Variants in TCF12 observed in about 807,000 individuals in gnomAD.
TCF12 encodes DNA-binding protein HTF4.
A neutral mutation model predicts 86.0 loss-of-function variants in TCF12; 45 were observed. The ratio of observed to expected loss-of-function variants is 0.52; its 90% CI spans 0.41 to 0.67. The LOEUF (loss-of-function observed/expected upper bound fraction) is 0.67, where lower values mean the gene tolerates loss of function less well. Ranked by LOEUF, TCF12 falls within the 30% of genes least tolerant of loss-of-function variation. The pLI is 0.00. For missense variants in TCF12, 881 were observed against 859.9 expected (o/e 1.02, Z -0.31); for synonymous variants, 330 against 299.6 (o/e 1.10, Z -1.05).
intron 3 of TCF12, among the ~76,000 whole-genome samples, chr15:57,030,518 C>A (rs2066102772): frequency 1.3e-5 from 2 of 152,126 alleles, no homozygotes; most frequent in African/African-American, 2.4e-5. Flanking sequence ...AGGAAAGAGC[C>A]ACTGTACCTG....
intron 3 of TCF12, among the ~76,000 whole-genome samples, chr15:57,033,737 T>C (rs1217841286): frequency 1.3e-5 from 2 of 152,202 alleles, no homozygotes; most frequent in East Asian, 3.8e-4. Context: ...GCTTTCTTGC[T>C]TATTTAATTC....
chr15:57,114,186 T>C (rs2050687871), intron 5 of TCF12, among the ~76,000 whole-genome samples: 1 of 152,216 alleles, frequency 6.6e-6, no homozygotes, highest in Non-Finnish European at 1.5e-5. Context: ...ATATTACATG[T>C]TCTGTTTATT....
chr15:56,921,674 A>C (rs2059799715), intron 3 of TCF12, among the ~76,000 whole-genome samples: 1 of 152,066 alleles, frequency 6.6e-6, no homozygotes, highest in Non-Finnish European at 1.5e-5. Context: ...GAAAAAAATA[A>C]CTAAAGCCAT....
At chr15:57,185,033 G>A (rs1010550081) in intron 6 of TCF12, among the ~76,000 whole-genome samples, 6 of 151,990 alleles carry the variant, frequency 3.9e-5, no homozygotes, top group African/African-American at 1.5e-4. Flanking sequence ...ACCAAATGTT[G>A]TATCTATTGG....
intron 3 of TCF12, among the ~76,000 whole-genome samples, chr15:57,050,007 G>A (rs1431960627): frequency 1.3e-5 from 2 of 152,024 alleles, no homozygotes; most frequent in Non-Finnish European, 2.9e-5. Flanking sequence ...ATTTTTAGGG[G>A]TTCCTCTAGG....
chr15:57,265,052 G>A (rs1460774933), intron 18 of TCF12, among the ~76,000 whole-genome samples: 1 of 149,936 alleles, frequency 6.7e-6, no homozygotes, highest in African/African-American at 2.5e-5. Flanking sequence ...TAAGTTAGAA[G>A]TATACTCTAA....
At chr15:57,204,099 C>G (rs1362192073) in intron 8 of TCF12, among the ~76,000 whole-genome samples, 1 of 152,130 alleles carries the variant, frequency 6.6e-6, no homozygotes, top group Non-Finnish European at 1.5e-5. Context: ...TTGATGCAGA[C>G]AGTTACAAAG....
In TCF12 at chr15:57,289,786, T is replaced by C. The variant is rs1332435510; in HGVS notation, c.*3641T>C. 6.6e-6 allele frequency: 1 copy of C among 152,186 alleles called. No individual in the cohort carries two copies. Among genetic ancestry groups the C allele is most frequent in the Non-Finnish European group, 1.5e-5 (1 of 68,028 alleles). The allele number at this position is 152,186 out of a possible 1,614,324, so 9.4% of individuals were successfully genotyped here. ...TGAAACAATGTATGGAAAGCTCTTA[T>C]GGTTCTTGTCACCTAAGAAGTACTT... On this transcript the variant is annotated 3_prime_UTR_variant, in exon 21 of 21. Coordinates refer to ENST00000333725, the MANE Select transcript of TCF12 (RefSeq NM_207037.2).
At chr15:57,222,359 A>G (rs759540066) in intron 8 of TCF12, among the ~76,000 whole-genome samples, 37 of 151,940 alleles carry the variant, frequency 2.4e-4, no homozygotes, top group Non-Finnish European at 4.1e-4. Flanking sequence ...TTGTATGGCC[A>G]GTATTTTATT....
At chr15:57,250,570 A>C (rs562520043) in intron 13 of TCF12, among the ~76,000 whole-genome samples, 2 of 152,220 alleles carry the variant, frequency 1.3e-5, no homozygotes, top group South Asian at 2.1e-4. Flanking sequence ...CTCTACTGCA[A>C]ATACAAAAAT....
intron 8 of TCF12, among the ~76,000 whole-genome samples, chr15:57,207,011 T>G (rs955911230): frequency 1.3e-5 from 2 of 149,564 alleles, no homozygotes; most frequent in Non-Finnish European, 3.0e-5. Context: ...GAGGCTAAGG[T>G]TGGAGGGATG....
chr15:57,192,374 CTT>C (rs369602117), intron 7 of TCF12, 81 bp downstream of exon 7: 4,137 of 1,214,338 alleles, frequency 3.4e-3, no homozygotes, highest in South Asian at 6.3e-3. Context: ...TCTGGCTATG[CTT>C]TTTTTTTTTT....
In TCF12 at chr15:57,286,828, A is replaced by G; in HGVS notation, c.*683A>G. On this transcript the variant is annotated 3_prime_UTR_variant, in exon 21 of 21. Transcript: ENST00000333725. ...TTTTTATTTTCTCTTTGTGGGTGTTATATTTGATCTCTAAATCTGAACAGT... is the reference window on the plus strand; with the variant it reads ...TTTTTATTTTCTCTTTGTGGGTGTTGTATTTGATCTCTAAATCTGAACAGT... 2.7e-6 allele frequency: 1 copy of G among 374,710 alleles called. No homozygotes were observed. The highest frequency in any genetic ancestry group is 7.2e-5 in the East Asian group (1 of 13,902). The allele number at this position is 374,710 out of a possible 1,614,324, so 23.2% of individuals were successfully genotyped here.
At chr15:57,035,524 C>G (rs1190632857) in intron 3 of TCF12, among the ~76,000 whole-genome samples, 2 of 152,276 alleles carry the variant, frequency 1.3e-5, no homozygotes, top group East Asian at 3.9e-4. Context: ...ACCTCGGCCT[C>G]CCAAAGTATT....
intron 7 of TCF12, among the ~76,000 whole-genome samples, chr15:57,195,816 A>C (rs2057234534): frequency 6.6e-6 from 1 of 152,168 alleles, no homozygotes; most frequent in Non-Finnish European, 1.5e-5. Flanking sequence ...CAGCCTGGGC[A>C]ACATAGTGAA....
At chr15:57,230,949 C>T (rs1450158320) in intron 8 of TCF12, among the ~76,000 whole-genome samples, 1 of 118,850 alleles carries the variant, frequency 8.4e-6, no homozygotes, top group African/African-American at 2.8e-5. Flanking sequence ...CCCTAATAAC[C>T]AGCTTAAAAA....
intron 12 of TCF12, 101 bp downstream of exon 12, chr15:57,234,208 C>A: frequency 3.3e-6 from 3 of 903,950 alleles, no homozygotes; most frequent in Non-Finnish European, 5.4e-6. Flanking sequence ...ATAGATGTAA[C>A]AAGATCAATT....
rs1363619179 is a variant in TCF12 at position 57,231,176 on chromosome 15, G to C, written c.604G>C (p.Asp202His). 2 of 1,612,836 alleles carry C rather than the reference G, an allele frequency of 1.2e-6. No individual in the cohort carries two copies. Among genetic ancestry groups the C allele is most frequent in the African/African-American group, 2.7e-5 (2 of 74,844 alleles). ...GGTATATGCACCATCCCCAAATTCAGATGATTTCAACCGTGAATCTCCTAG... is the reference window on the plus strand; with the variant it reads ...GGTATATGCACCATCCCCAAATTCACATGATTTCAACCGTGAATCTCCTAG... ...SSVYAPSPNS[D>H]DFNRESPSYP... Residue 202 changes from aspartate (D) to histidine (H), a missense_variant, in exon 9 of 21, where the codon GAT (aspartate) becomes CAT (histidine). Physicochemically the swap from Asp to His is moderately conservative, Grantham distance 81 (BLOSUM62 -1). Transcript: ENST00000333725.
intron 17 of TCF12, 97 bp from the exon 18 acceptor site, chr15:57,263,015 A>G (rs2060660053): frequency 7.7e-7 from 1 of 1,291,380 alleles, no homozygotes; most frequent in African/African-American, 1.5e-5. Context: ...TGTAACTGCT[A>G]AGGATATTCA....
Sources: allele counts gnomAD v4.1 joint callset (sites outside exome capture counted in the v4.1 genomes callset), GRCh38; gene constraint gnomAD v4.1.1; transcripts MANE v1.5; gene names NCBI Gene and HGNC (gene_info 2026-07-23, HGNC 2026-07-21).